The following TBC1D22A variants were observed in gnomAD, a reference collection of about 807,000 sequenced individuals.
TBC1D22A encodes TBC1 domain family member 22A.
In TBC1D22A, 38 loss-of-function variants were observed where a neutral mutation model predicts 60.2. The observed-to-expected ratio is 0.63, with a 90% CI of 0.49 to 0.83. TBC1D22A has a LOEUF of 0.83. Ranked by LOEUF, TBC1D22A falls within the 40% of genes least tolerant of loss-of-function variation. The pLI, the probability that TBC1D22A is intolerant of heterozygous loss-of-function variation, is 0.00. For missense variants in TBC1D22A, 628 were observed against 701.0 expected (o/e 0.90, Z 1.18); for synonymous variants, 302 against 281.7 (o/e 1.07, Z -0.72).
intron 5 of TBC1D22A, among the ~76,000 whole-genome samples, chr22:46,889,453 G>A (rs966847955): frequency 4.6e-5 from 7 of 152,106 alleles, no homozygotes; most frequent in African/African-American, 1.4e-4. Context: ...TAGAAAAAGA[G>A]GTGACATCTT....
At chr22:47,122,434 A>C (rs1180206378) in intron 12 of TBC1D22A, among the ~76,000 whole-genome samples, 1 of 152,066 alleles carries the variant, frequency 6.6e-6, no homozygotes, top group African/African-American at 2.4e-5. Flanking sequence ...GTAACCTGTG[A>C]GGATCTGTGT....
intron 11 of TBC1D22A, among the ~76,000 whole-genome samples, chr22:47,100,442 G>T (rs962869025): frequency 6.6e-6 from 1 of 152,168 alleles, no homozygotes; most frequent in Non-Finnish European, 1.5e-5. Flanking sequence ...GGGCACAGGG[G>T]TGAGGCCTCG....
At position 46,858,902 on chromosome 22, in the gene TBC1D22A, CAAACA is replaced by C. The variant is rs553788571; in HGVS notation, c.638-19742_638-19738del. ...ACATGAGTGTTAAAACTAGCAAATT[CAAACA>C]AAACAAAAATGATGAGAAAAAAAAG... On this transcript the variant is annotated intron_variant, in intron 4 of 12. Transcript: ENST00000337137. 1.3e-3 allele frequency among the ~76,000 whole-genome samples: 195 copies of C among 152,256 alleles called. 2 individuals carry two copies. Among genetic ancestry groups the C allele is most frequent in the Admixed American group, 0.013 (195 of 15,232 alleles).
chr22:46,811,679 C>T (rs1234863558), intron 4 of TBC1D22A, among the ~76,000 whole-genome samples: 2 of 152,170 alleles, frequency 1.3e-5, no homozygotes, highest in African/African-American at 2.4e-5. Flanking sequence ...TCAGGGTCGC[C>T]CAGCTAGTGG....
intron 10 of TBC1D22A, among the ~76,000 whole-genome samples, chr22:47,021,408 G>A (rs377490913): frequency 6.6e-6 from 1 of 150,880 alleles, no homozygotes; most frequent in Non-Finnish European, 1.5e-5. Flanking sequence ...AACTCCACCT[G>A]TAGCCTGGAG....
At chr22:47,005,498 A>ATACC (rs1353501513) in intron 10 of TBC1D22A, among the ~76,000 whole-genome samples, 1 of 151,486 alleles carries the variant, frequency 6.6e-6, no homozygotes, top group Non-Finnish European at 1.5e-5. Flanking sequence ...ACACCTAGAC[A>ATACC]TACCTACCTG....
chr22:46,892,186 G>C (rs1445696079), intron 6 of TBC1D22A, among the ~76,000 whole-genome samples: 1 of 152,024 alleles, frequency 6.6e-6, no homozygotes, highest in Non-Finnish European at 1.5e-5. Context: ...CCTGAGGCAC[G>C]GCAGGAATGT....
At chr22:47,098,862 G>T (rs1025903519) in intron 11 of TBC1D22A, among the ~76,000 whole-genome samples, 1 of 152,216 alleles carries the variant, frequency 6.6e-6, no homozygotes, top group African/African-American at 2.4e-5. Flanking sequence ...TCTGAGCTCC[G>T]ACTGGGACCT....
intron 4 of TBC1D22A, among the ~76,000 whole-genome samples, chr22:46,799,765 T>TGG (rs2084816857): frequency 6.6e-6 from 1 of 152,116 alleles, no homozygotes; most frequent in South Asian, 2.1e-4. Flanking sequence ...TTGCCCACAA[T>TGG]GAGATTCTGA....
chr22:47,038,622 A>G (rs1036014019), intron 11 of TBC1D22A, among the ~76,000 whole-genome samples: 12 of 152,204 alleles, frequency 7.9e-5, no homozygotes, highest in African/African-American at 2.9e-4. Context: ...CAGTGCCCCA[A>G]AGCTTTGTTC....
At chr22:47,000,832 A>G (rs2061382360) in intron 10 of TBC1D22A, among the ~76,000 whole-genome samples, 1 of 120,958 alleles carries the variant, frequency 8.3e-6, no homozygotes, top group Non-Finnish European at 1.7e-5. Context: ...CAACAAAGCA[A>G]AAAGAAAAAA....
chr22:47,019,174 C>A (rs2061997092), intron 10 of TBC1D22A, among the ~76,000 whole-genome samples: 1 of 152,240 alleles, frequency 6.6e-6, no homozygotes, highest in South Asian at 2.1e-4. Context: ...TCCGAGTGGC[C>A]TCCCAGTGCG....
intron 11 of TBC1D22A, among the ~76,000 whole-genome samples, chr22:47,077,479 C>T (rs529679356): frequency 6.6e-6 from 1 of 152,308 alleles, no homozygotes; most frequent in East Asian, 1.9e-4. Context: ...AGCCCTCCCG[C>T]CCTATTGGAA....
At chr22:47,118,086 G>A (rs1338393101) in intron 12 of TBC1D22A, among the ~76,000 whole-genome samples, 1 of 152,128 alleles carries the variant, frequency 6.6e-6, no homozygotes, top group African/African-American at 2.4e-5. Context: ...TGACACCACT[G>A]CACTCCAGCC....
At chr22:46,909,286 CTA>C (rs1491105666) in intron 7 of TBC1D22A, among the ~76,000 whole-genome samples, 6 of 133,644 alleles carry the variant, frequency 4.5e-5, no homozygotes, top group Non-Finnish European at 8.0e-5. Context: ...TAAATTCTTC[CTA>C]TACACATACA....
intron 9 of TBC1D22A, among the ~76,000 whole-genome samples, chr22:46,994,293 C>T (rs1447982677): frequency 2.0e-5 from 3 of 152,186 alleles, no homozygotes. Context: ...CTGACTGATC[C>T]CAGGACCCAT....
intron 12 of TBC1D22A, among the ~76,000 whole-genome samples, chr22:47,148,576 C>G (rs531571979): frequency 6.6e-6 from 1 of 151,626 alleles, no homozygotes; most frequent in Non-Finnish European, 1.5e-5. Context: ...CCTGGGGTCC[C>G]TCTCTCTTGG....
chr22:46,902,867 G>C (rs2069102943), intron 7 of TBC1D22A, among the ~76,000 whole-genome samples: 1 of 152,262 alleles, frequency 6.6e-6, no homozygotes, highest in African/African-American at 2.4e-5. Flanking sequence ...GAGGGATGAA[G>C]ACAGATGTGC....
At chr22:47,056,828 A>T (rs2063408590) in intron 11 of TBC1D22A, among the ~76,000 whole-genome samples, 1 of 152,100 alleles carries the variant, frequency 6.6e-6, no homozygotes, top group Non-Finnish European at 1.5e-5. Context: ...TGGTCTTCAG[A>T]GTGGGGTCAC....
Sources: gnomAD v4.1 joint callset for allele counts (sites outside exome capture counted in the v4.1 genomes callset) on GRCh38, gnomAD v4.1.1 for gene constraint, MANE v1.5 for transcripts, NCBI Gene and HGNC (gene_info 2026-07-23, HGNC 2026-07-21) for gene names.